CSRNP3: variants seen among roughly 807,000 people sequenced by gnomAD.
The protein encoded by CSRNP3 is cysteine/serine-rich nuclear protein 3.
Under a neutral mutation model 48.0 loss-of-function variants are expected in CSRNP3, and 12 were observed. That is an observed-to-expected ratio of 0.25 (90% CI 0.16 to 0.41). CSRNP3 has a LOEUF of 0.41. Ranked by LOEUF, CSRNP3 falls within the 10% of genes least tolerant of loss-of-function variation. The pLI, the probability that CSRNP3 is intolerant of heterozygous loss-of-function variation, is 1.00. For missense variants in CSRNP3, 580 were observed against 724.4 expected, an observed-to-expected ratio of 0.80 and a Z score of 2.29; for synonymous variants, 263 against 269.7, an observed-to-expected ratio of 0.98 and a Z score of 0.24.
rs537633626 is a variant in CSRNP3 at position 165,578,894 on chromosome 2, C to T, written c.-23-16149C>T. ...TTTACACAATGTACTCTGACATTTA[C>T]AAGCCATGTAGCCTTGACATGGTAC... On this transcript the variant is annotated intron_variant, in intron 3 of 6. Transcript: ENST00000651982. 2.0e-5 allele frequency among the ~76,000 whole-genome samples: 3 copies of T among 152,208 alleles called. No individual in the cohort carries two copies. In the East Asian group the frequency reaches 5.8e-4, roughly 29 times the overall value.
Position 165,679,911 on chromosome 2 carries a change from A to T in CSRNP3, c.*158A>T. 1.1e-5 allele frequency: 11 copies of T among 969,924 alleles called. No individual in the cohort carries two copies. The highest frequency in any genetic ancestry group is 1.7e-5 in the Non-Finnish European group (11 of 655,828). The allele number at this position is 969,924 out of a possible 1,614,324, so 60.1% of individuals were successfully genotyped here. On this transcript the variant is annotated 3_prime_UTR_variant, in exon 7 of 7. Transcript: ENST00000651982. ...TTGTTTTTTCCTTTCTAGCCACATG[A>T]CTGTGGCATTGCACAAATACAGTCT... is the stretch of plus-strand genomic sequence containing the variant.
intron 4 of CSRNP3, among the ~76,000 whole-genome samples, chr2:165,626,665 G>A (rs577468890): frequency 6.6e-6 from 1 of 152,142 alleles, no homozygotes; most frequent in Admixed American, 6.5e-5. Flanking sequence ...CTGCTACCTC[G>A]TGTTCTGCCA....
At position 165,678,822 on chromosome 2, in the gene CSRNP3, A is replaced by G. The variant is rs1254426447; in HGVS notation, c.827A>G (p.Glu276Gly). Residue 276 changes from glutamate to glycine, a missense_variant, in exon 7 of 7, where the codon GAA becomes GGA. Physicochemically the swap from Glu to Gly is moderately conservative, Grantham distance 98 (BLOSUM62 -2). This residue lies in a region of CSRNP3 where 369 missense variants were observed against 380.8 expected (regional missense o/e 0.97). Coordinates refer to ENST00000651982, the MANE Select transcript of CSRNP3 (RefSeq NM_001172173.2). ...THFLHTIMKL[E>G]LEKNREQQIP... ...TTTTTGCACACAATAATGAAACTTGAACTGGAGAAAAACCGAGAGCAGCAA... is the reference window on the plus strand; with the variant it reads ...TTTTTGCACACAATAATGAAACTTGGACTGGAGAAAAACCGAGAGCAGCAA... 6.2e-7 allele frequency: 1 copy of G among 1,613,946 alleles called. No individual in the cohort carries two copies. Among genetic ancestry groups the G allele is most frequent in the African/African-American group, 1.3e-5 (1 of 74,910 alleles).
intron 3 of CSRNP3, among the ~76,000 whole-genome samples, chr2:165,593,146 A>G (rs1316868147): frequency 6.6e-6 from 1 of 152,186 alleles, no homozygotes; most frequent in East Asian, 1.9e-4. Context: ...ATGTTTCTTC[A>G]TAGCAGCATG....
At chr2:165,552,364 A>G (rs1257457653) in intron 3 of CSRNP3, among the ~76,000 whole-genome samples, 1 of 152,246 alleles carries the variant, frequency 6.6e-6, no homozygotes, top group Non-Finnish European at 1.5e-5. Flanking sequence ...CAGAAAACCG[A>G]TCATGCTTTC....
intron 4 of CSRNP3, among the ~76,000 whole-genome samples, chr2:165,604,110 C>A (rs1558947771): frequency 6.6e-6 from 1 of 152,186 alleles, no homozygotes; most frequent in Non-Finnish European, 1.5e-5. Flanking sequence ...TTACCATTCA[C>A]TGCACTAGTA....
intron 4 of CSRNP3, among the ~76,000 whole-genome samples, chr2:165,626,731 C>G (rs1265910672): frequency 6.6e-6 from 1 of 152,222 alleles, no homozygotes; most frequent in Non-Finnish European, 1.5e-5. Flanking sequence ...TGACTTCACC[C>G]CAGTGTGGAC....
chr2:165,508,043 G>A (rs1434967468), intron 2 of CSRNP3, among the ~76,000 whole-genome samples: 1 of 151,906 alleles, frequency 6.6e-6, no homozygotes, highest in Non-Finnish European at 1.5e-5. Flanking sequence ...TTAACTAAAA[G>A]TTGAGCTAAC....
At position 165,685,490 on chromosome 2, in the gene CSRNP3, T is replaced by A. The variant is rs1330530803; in HGVS notation, c.*5737T>A. 6.6e-6 allele frequency: 1 copy of A among 152,064 alleles called. No homozygotes were observed. The highest frequency in any genetic ancestry group is 1.5e-5 in the Non-Finnish European group (1 of 67,976). The allele number at this position is 152,064 out of a possible 1,614,324, so 9.4% of individuals were successfully genotyped here. A position where few individuals can be genotyped will look rare whatever the true frequency, so the allele number is the denominator to read the frequency against. On this transcript the variant is annotated 3_prime_UTR_variant, in exon 7 of 7. Coordinates refer to ENST00000651982, the MANE Select transcript of CSRNP3 (RefSeq NM_001172173.2). ...ACCAGGAGAGTGAATACGACCAGAT[T>A]CAAAGCCTAAAACAATATGTTTCAG...
chr2:165,587,473 A>C (rs2105288505), intron 3 of CSRNP3, among the ~76,000 whole-genome samples: 1 of 152,342 alleles, frequency 6.6e-6, no homozygotes, highest in South Asian at 2.1e-4. Flanking sequence ...CACGTAGTTG[A>C]ATGATCAAGG....
chr2:165,587,106 A>AGC (rs1685645290), intron 3 of CSRNP3, among the ~76,000 whole-genome samples: 1 of 152,224 alleles, frequency 6.6e-6, no homozygotes, highest in African/African-American at 2.4e-5. Flanking sequence ...CTTTTTCATA[A>AGC]ATGTGCTCAC....
intron 3 of CSRNP3, among the ~76,000 whole-genome samples, chr2:165,524,417 C>T (rs1240789220): frequency 6.6e-6 from 1 of 151,892 alleles, no homozygotes; most frequent in East Asian, 1.9e-4. Context: ...TGACTTTGGC[C>T]TAGAAAAGTA....
At chr2:165,544,059 A>G (rs777814299) in intron 3 of CSRNP3, among the ~76,000 whole-genome samples, 6 of 151,986 alleles carry the variant, frequency 3.9e-5, no homozygotes, top group Admixed American at 2.0e-4. Flanking sequence ...TGTAAAATAT[A>G]CAGAATATCA....
chr2:165,540,926 A>T (rs1434142302), intron 3 of CSRNP3, among the ~76,000 whole-genome samples: 1 of 152,048 alleles, frequency 6.6e-6, no homozygotes, highest in Non-Finnish European at 1.5e-5. Flanking sequence ...CTTCCCAGGA[A>T]CATTTTGTAT....
chr2:165,653,785 A>G (rs995334023), intron 4 of CSRNP3, among the ~76,000 whole-genome samples: 1 of 152,036 alleles, frequency 6.6e-6, no homozygotes, highest in Non-Finnish European at 1.5e-5. Flanking sequence ...CAGCCTGGCC[A>G]ACATGATGAA....
At chr2:165,536,909 C>G (rs568983284) in intron 3 of CSRNP3, among the ~76,000 whole-genome samples, 1 of 151,874 alleles carries the variant, frequency 6.6e-6, no homozygotes, top group Admixed American at 6.6e-5. Flanking sequence ...ATATTAAGAT[C>G]TGCCATAAGA....
chr2:165,504,340 A>G (rs1192933209), intron 2 of CSRNP3, among the ~76,000 whole-genome samples: 1 of 152,038 alleles, frequency 6.6e-6, no homozygotes, highest in East Asian at 1.9e-4. Flanking sequence ...GTGAGTAGGA[A>G]TGGTAGTCCT....
intron 3 of CSRNP3, among the ~76,000 whole-genome samples, chr2:165,592,397 G>C (rs1685732277): frequency 6.6e-6 from 1 of 152,148 alleles, no homozygotes; most frequent in South Asian, 2.1e-4. Flanking sequence ...TTGGGTTAAT[G>C]CTGGAATGAG....
At position 165,539,605 on chromosome 2, in the gene CSRNP3, C is replaced by T. The variant is rs374399124; in HGVS notation, c.-24+21644C>T. On this transcript the variant is annotated intron_variant, in intron 3 of 6. Transcript: ENST00000651982. ...TGAACAGCTGATGTATAAAAAGATGCTTAATAAATGCATTTTGATGATGAC... is the reference window on the plus strand; with the variant it reads ...TGAACAGCTGATGTATAAAAAGATGTTTAATAAATGCATTTTGATGATGAC... Among the ~76,000 whole-genome samples, 4 of 152,100 alleles carry T rather than the reference C, an allele frequency of 2.6e-5. No homozygotes were observed. The East Asian group carries it at 5.8e-4, about 22-fold the overall frequency.
Sources: gnomAD v4.1 joint callset for allele counts (sites outside exome capture counted in the v4.1 genomes callset) on GRCh38, gnomAD v4.1.1 for gene constraint, gnomAD v4.1.1 regional missense constraint, MANE v1.5 for transcripts, NCBI Gene and HGNC (gene_info 2026-07-23, HGNC 2026-07-21) for gene names.